The following INSYN2A variants were observed in gnomAD, a reference collection of about 807,000 sequenced individuals.
The protein encoded by INSYN2A is family with sequence similarity 196 member A.
Under a neutral mutation model 39.4 loss-of-function variants are expected in INSYN2A, and 17 were observed. The observed-to-expected ratio is 0.43, with a 90% CI of 0.30 to 0.65. The LOEUF (loss-of-function observed/expected upper bound fraction) is 0.65, where lower values mean the gene tolerates loss of function less well. INSYN2A is among the 30% of genes least tolerant of loss of function. The probability of loss-of-function intolerance (pLI) is 0.14; values close to 1 mark genes in which losing one functional copy is unlikely to be tolerated. For synonymous variants in INSYN2A, 255 were observed against 265.7 expected, an observed-to-expected ratio of 0.96 and a Z score of 0.39; for missense variants, 595 against 631.2, an observed-to-expected ratio of 0.94 and a Z score of 0.61.
At chr10:127,167,574 A>G (rs968633640) in intron 4 of INSYN2A, among the ~76,000 whole-genome samples, 2 of 152,110 alleles carry the variant, frequency 1.3e-5, no homozygotes, top group South Asian at 2.1e-4. Context: ...AGACATCTCT[A>G]TAGAATATGT....
intron 5 of INSYN2A, among the ~76,000 whole-genome samples, chr10:127,148,894 C>A (rs1022396466): frequency 6.6e-6 from 1 of 152,172 alleles, no homozygotes; most frequent in African/African-American, 2.4e-5. Flanking sequence ...TGCATCACAA[C>A]CGAAGGGATG....
At chr10:127,141,435 G>A (rs568703714) in intron 5 of INSYN2A, among the ~76,000 whole-genome samples, 5 of 152,296 alleles carry the variant, frequency 3.3e-5, no homozygotes, top group South Asian at 2.1e-4. Context: ...AGGCACGGTG[G>A]CTCATGCCTG....
In INSYN2A at chr10:127,175,163, G is replaced by T; in HGVS notation, c.1184+49C>A. On this transcript the variant is annotated intron_variant, in intron 4 of 5. Transcript: ENST00000522781. This position sits in a 1 kb window ranked among gnomAD's most constrained non-coding sequence, Gnocchi z 6.3. ...GGGTTTGGGGCTACAGATGGACTCTGTGGTGATCAGCCTGCATAGCTTCCT... is the reference window on the plus strand; with the variant it reads ...GGGTTTGGGGCTACAGATGGACTCTTTGGTGATCAGCCTGCATAGCTTCCT... 1 of 1,487,920 alleles carries T rather than the reference G, an allele frequency of 6.7e-7. No homozygotes were observed. Among genetic ancestry groups the T allele is most frequent in the Non-Finnish European group, 9.2e-7 (1 of 1,082,756 alleles). The allele number at this position is 1,487,920 out of a possible 1,614,324, so 92.2% of individuals were successfully genotyped here. A position where few individuals can be genotyped will look rare whatever the true frequency, so the allele number is the denominator to read the frequency against.
chr10:127,140,646 G>T (rs2051147132), intron 5 of INSYN2A, among the ~76,000 whole-genome samples: 1 of 150,550 alleles, frequency 6.6e-6, no homozygotes, highest in Admixed American at 6.6e-5. Flanking sequence ...CCAAGTCTCT[G>T]GGTTGAGTTT....
intron 5 of INSYN2A, among the ~76,000 whole-genome samples, chr10:127,149,005 CATCA>C (rs1375433882): frequency 6.6e-6 from 1 of 152,114 alleles, no homozygotes; most frequent in African/African-American, 2.4e-5. Flanking sequence ...GGAGGAAGCC[CATCA>C]ATCCTCTGCC....
At chr10:127,166,098 C>G (rs1243385740) in intron 4 of INSYN2A, among the ~76,000 whole-genome samples, 1 of 152,030 alleles carries the variant, frequency 6.6e-6, no homozygotes, top group Non-Finnish European at 1.5e-5. Context: ...CAGAGTCTCG[C>G]TCTGTAGCGT....
intron 2 of INSYN2A, among the ~76,000 whole-genome samples, chr10:127,190,416 G>A (rs1218434731): frequency 1.3e-5 from 2 of 152,148 alleles, no homozygotes; most frequent in Non-Finnish European, 2.9e-5. Context: ...GATTCCCTGA[G>A]TTGGTAGCAA....
At chr10:127,179,705 G>A (rs2055539791) in intron 2 of INSYN2A, among the ~76,000 whole-genome samples, 1 of 152,112 alleles carries the variant, frequency 6.6e-6, no homozygotes. Context: ...AGGAAATGGG[G>A]CATTCTACAG....
In INSYN2A at chr10:127,162,298, A is replaced by G. The variant is rs115841271; in HGVS notation, c.1185-8375T>C. On this transcript the variant is annotated intron_variant, in intron 4 of 5. Transcript: ENST00000522781. ...GTTTCTTGTATACAGTTGTGTCCCAATTGATTAGTTTAAGGGAGATCTATT... is the reference window on the plus strand; with the variant it reads ...GTTTCTTGTATACAGTTGTGTCCCAGTTGATTAGTTTAAGGGAGATCTATT... Among the ~76,000 whole-genome samples the G allele has an allele frequency of 1.3e-3, 194 of 152,254 alleles. 2 individuals carry two copies. The highest frequency in any genetic ancestry group is 4.5e-3 in the African/African-American group (186 of 41,550).
At chr10:127,166,833 G>A (rs1192246284) in intron 4 of INSYN2A, among the ~76,000 whole-genome samples, 1 of 151,554 alleles carries the variant, frequency 6.6e-6, no homozygotes, top group Non-Finnish European at 1.5e-5. Context: ...AAATGTTCAT[G>A]CCATGCCTTG....
intron 2 of INSYN2A, among the ~76,000 whole-genome samples, chr10:127,191,457 T>C (rs2056751232): frequency 2.0e-5 from 3 of 152,336 alleles, no homozygotes; most frequent in South Asian, 2.1e-4. Context: ...CCAGGTTTTA[T>C]ATCTTTGCTG....
At chr10:127,190,206 C>T (rs1234687507) in intron 2 of INSYN2A, among the ~76,000 whole-genome samples, 2 of 152,198 alleles carry the variant, frequency 1.3e-5, no homozygotes, top group Non-Finnish European at 2.9e-5. Flanking sequence ...CCAAAGGAAT[C>T]GCTGAGGTTG....
At chr10:127,159,156 C>A (rs2053359761) in intron 4 of INSYN2A, among the ~76,000 whole-genome samples, 1 of 152,172 alleles carries the variant, frequency 6.6e-6, no homozygotes, top group South Asian at 2.1e-4. Context: ...TCTGGACAAG[C>A]CAATTCTACA....
At chr10:127,194,258 G>C (rs2056943982) in intron 1 of INSYN2A, among the ~76,000 whole-genome samples, 1 of 152,150 alleles carries the variant, frequency 6.6e-6, no homozygotes, top group South Asian at 2.1e-4. Flanking sequence ...TTAACCAAAT[G>C]CGCCTCTAAT....
At chr10:127,179,806 G>A (rs2055551695) in intron 2 of INSYN2A, among the ~76,000 whole-genome samples, 3 of 152,274 alleles carry the variant, frequency 2.0e-5, no homozygotes, top group South Asian at 2.1e-4. Flanking sequence ...ATGTACATAC[G>A]TTACAGTGTA....
intron 5 of INSYN2A, among the ~76,000 whole-genome samples, chr10:127,149,041 G>A (rs2052204751): frequency 2.0e-5 from 3 of 152,198 alleles, no homozygotes; most frequent in Admixed American, 2.0e-4. Flanking sequence ...ACTCAGCTCT[G>A]AGTCAATAGA....
intron 4 of INSYN2A, among the ~76,000 whole-genome samples, chr10:127,157,038 T>C (rs1186240572): frequency 1.3e-5 from 2 of 152,248 alleles, no homozygotes; most frequent in East Asian, 1.9e-4. Context: ...ATGGAGTCCT[T>C]GTCCTCACAA....
At chr10:127,182,829 T>C (rs1444372217) in intron 2 of INSYN2A, among the ~76,000 whole-genome samples, 2 of 152,144 alleles carry the variant, frequency 1.3e-5, no homozygotes, top group Non-Finnish European at 2.9e-5. Context: ...GGCTGTGCTT[T>C]GAACACAGCT....
intron 5 of INSYN2A, chr10:127,146,155 T>C (rs1195231233): frequency 2.4e-6 from 1 of 423,876 alleles, no homozygotes; most frequent in Non-Finnish European, 4.7e-6. Context: ...CGTAGTCCCC[T>C]CATGCTGTTT....
Sources: allele counts gnomAD v4.1 joint callset (sites outside exome capture counted in the v4.1 genomes callset), GRCh38; gene constraint gnomAD v4.1.1; non-coding constraint Gnocchi (gnomAD v3.1); transcripts MANE v1.5; gene names NCBI Gene and HGNC (gene_info 2026-07-23, HGNC 2026-07-21).